Variants in TSHZ3 observed in about 807,000 individuals in gnomAD.
The protein encoded by TSHZ3 is teashirt zinc finger homeobox 3.
Under a neutral mutation model 64.5 loss-of-function variants are expected in TSHZ3, and 10 were observed. That is an observed-to-expected ratio of 0.16 (90% CI 0.10 to 0.26). TSHZ3 has a LOEUF of 0.26. TSHZ3 is among the 10% of genes least tolerant of loss of function. TSHZ3 has a pLI of 1.00. For synonymous variants in TSHZ3, 608 were observed against 593.1 expected (o/e 1.03, Z -0.36); for missense variants, 1,242 against 1,421.7 (o/e 0.87, Z 2.03).
chr19:31,293,530 C>T (rs1223422380), intron 1 of TSHZ3, among the ~76,000 whole-genome samples: 1 of 152,178 alleles, frequency 6.6e-6, no homozygotes. Flanking sequence ...CATTCCCCTC[C>T]CTGTCCTCCA....
chr19:31,277,671 T>C lies in TSHZ3; in HGVS notation c.2122A>G (p.Ile708Val), dbSNP rs1467400714. ...TGTTCAGGCGGGTGGTCGGTGATGA[T>C]GGCCGTGCTGCCACTCAAACTGCTG... Reference protein sequence around the residue: ...LASSLSGSTAIITDHPPEQPF... With the variant: ...LASSLSGSTAVITDHPPEQPF... The change falls in exon 2 of 2, where the codon ATC becomes GTC. Residue 708 changes from isoleucine (I) to valine (V), a missense_variant. Around this residue, in one of 4 missense-constraint regions of TSHZ3, gnomAD observed 550 missense variants for 545.1 expected, o/e 1.01. Transcript: ENST00000240587. This position sits in a 1 kb window ranked among gnomAD's most constrained non-coding sequence, Gnocchi z 4.5. 1.3e-6 allele frequency: 2 copies of C among 1,528,692 alleles called. No individual in the cohort carries two copies. Among genetic ancestry groups the C allele is most frequent in the Non-Finnish European group, 1.8e-6 (2 of 1,140,010 alleles). 94.7% of individuals were successfully genotyped at this position (1,528,692 alleles called of 1,614,324 possible).
At chr19:31,244,365 T>C (rs1015000963) in intron 1 of TSHZ3, among the ~76,000 whole-genome samples, 6 of 152,202 alleles carry the variant, frequency 3.9e-5, no homozygotes, top group Non-Finnish European at 8.8e-5. Context: ...CCTTCCACCA[T>C]GACTGAAAGT....
chr19:31,196,774 G>A (rs1975000094), intron 5 of TSHZ3, among the ~76,000 whole-genome samples: 2 of 151,994 alleles, frequency 1.3e-5, no homozygotes, highest in Non-Finnish European at 2.9e-5. Context: ...ACAATCCTTA[G>A]TAAAGTTGTG....
At chr19:31,218,232 G>A (rs1360387721) in intron 4 of TSHZ3, among the ~76,000 whole-genome samples, 2 of 151,934 alleles carry the variant, frequency 1.3e-5, no homozygotes, top group African/African-American at 4.8e-5. Flanking sequence ...CTTAAAAATG[G>A]GCCAAAGACC....
rs142602863 is a variant in TSHZ3 at position 31,227,030 on chromosome 19, G to A, written n.686+975C>T. 2.7e-3 allele frequency among the ~76,000 whole-genome samples: 308 copies of A among 114,390 alleles called. 2 individuals are homozygous for A. The highest frequency in any genetic ancestry group is 0.011 in the African/African-American group (297 of 28,034). 75.0% of individuals were successfully genotyped at this position (114,390 alleles called of 152,430 possible). A position where few individuals can be genotyped will look rare whatever the true frequency, so the allele number is the denominator to read the frequency against. ...ATTTCTCTTTGTCATCCAGGCTGGAGTGCAGTGGTGCCATCTCGGCTTACT... is the reference window on the plus strand; with the variant it reads ...ATTTCTCTTTGTCATCCAGGCTGGAATGCAGTGGTGCCATCTCGGCTTACT... On this transcript the variant is annotated intron_variant and non_coding_transcript_variant, in intron 4 of 6. Coordinates refer to the TSHZ3 transcript ENST00000651361.
At chr19:31,156,531 G>A (rs1400161452) in intron 5 of TSHZ3, among the ~76,000 whole-genome samples, 1 of 152,166 alleles carries the variant, frequency 6.6e-6, no homozygotes, top group Non-Finnish European at 1.5e-5. Flanking sequence ...TTAAAGTGAA[G>A]AAGCTTTGAC....
At position 31,276,390 on chromosome 19, in the gene TSHZ3, A is replaced by T; in HGVS notation, c.*157T>A. ...CAACAGCTGATTATGCACCTCTATT[A>T]AACACTGTACAGTTATACAAAACAG... is the stretch of plus-strand genomic sequence containing the variant. On this transcript the variant is annotated 3_prime_UTR_variant, in exon 2 of 2. Transcript: ENST00000240587. The T allele has an allele frequency of 1.5e-6, 1 of 655,220 alleles. No individual in the cohort carries two copies. The highest frequency in any genetic ancestry group is 2.5e-6 in the Non-Finnish European group (1 of 399,824). 40.6% of individuals were successfully genotyped at this position (655,220 alleles called of 1,614,324 possible).
chr19:31,178,611 G>T (rs1005061115), intron 5 of TSHZ3, among the ~76,000 whole-genome samples: 1 of 152,174 alleles, frequency 6.6e-6, no homozygotes, highest in Non-Finnish European at 1.5e-5. Context: ...ACCGGGAGGC[G>T]GAGGTTGTAG....
chr19:31,235,096 A>G (rs2145178711), intron 3 of TSHZ3, among the ~76,000 whole-genome samples: 1 of 152,316 alleles, frequency 6.6e-6, no homozygotes, highest in African/African-American at 2.4e-5. Context: ...TAAAGTATAC[A>G]ATGTGATGTT....
chr19:31,286,028 T>G (rs557507353), intron 1 of TSHZ3, among the ~76,000 whole-genome samples: 1 of 152,224 alleles, frequency 6.6e-6, no homozygotes, highest in African/African-American at 2.4e-5. Flanking sequence ...AGAGGCCGAC[T>G]GGGCACCCGC....
At chr19:31,227,066 C>A (rs2145172704) in intron 4 of TSHZ3, among the ~76,000 whole-genome samples, 1 of 144,030 alleles carries the variant, frequency 6.9e-6, no homozygotes, top group African/African-American at 2.6e-5. Context: ...GCAACCTCAG[C>A]CTTCCAGGTT....
chr19:31,258,182 C>T (rs1975937291), intron 1 of TSHZ3, among the ~76,000 whole-genome samples: 1 of 152,192 alleles, frequency 6.6e-6, no homozygotes, highest in Admixed American at 6.5e-5. Context: ...GCCAATCCCT[C>T]CCCAAAGTCC....
At chr19:31,208,574 A>G (rs1317254038) in intron 4 of TSHZ3, among the ~76,000 whole-genome samples, 1 of 152,238 alleles carries the variant, frequency 6.6e-6, no homozygotes, top group African/African-American at 2.4e-5. Flanking sequence ...CTTCTCCTGT[A>G]GAGTGAGTGT....
downstream of TSHZ3, among the ~76,000 whole-genome samples, chr19:31,271,280 G>A (rs908237323): frequency 1.3e-5 from 2 of 152,144 alleles, no homozygotes; most frequent in African/African-American, 4.8e-5. Flanking sequence ...TCCTCCTGGG[G>A]GTCGCCTCCT....
chr19:31,318,946 C>T (rs1320613324), intron 1 of TSHZ3, among the ~76,000 whole-genome samples: 1 of 152,220 alleles, frequency 6.6e-6, no homozygotes, highest in Non-Finnish European at 1.5e-5. Context: ...ATGGGCTCCT[C>T]CCATGGCCCA....
chr19:31,282,148 T>C (rs1976372478), intron 1 of TSHZ3, among the ~76,000 whole-genome samples: 1 of 152,138 alleles, frequency 6.6e-6, no homozygotes, highest in Non-Finnish European at 1.5e-5. Context: ...TATATGATGT[T>C]TCCATAGTAC....
chr19:31,208,394 C>T (rs555812442), intron 4 of TSHZ3, among the ~76,000 whole-genome samples: 11 of 152,128 alleles, frequency 7.2e-5, no homozygotes, highest in Non-Finnish European at 1.5e-4. Context: ...TCCAATTGGC[C>T]GAGCTTTTAT....
At chr19:31,335,157 T>C (rs1917208517) in intron 1 of TSHZ3, among the ~76,000 whole-genome samples, 1 of 152,246 alleles carries the variant, frequency 6.6e-6, no homozygotes, top group Admixed American at 6.5e-5. Flanking sequence ...GTTGACATTT[T>C]TTATATGTGA....
intron 6 of TSHZ3, among the ~76,000 whole-genome samples, chr19:31,154,694 G>A (rs1020258261): frequency 1.4e-4 from 21 of 152,194 alleles, no homozygotes; most frequent in African/African-American, 4.8e-4. Context: ...TCCTATCACC[G>A]CAAATGGCTT....
Sources: gnomAD v4.1 joint callset for allele counts (sites outside exome capture counted in the v4.1 genomes callset) on GRCh38, gnomAD v4.1.1 for gene constraint, gnomAD v4.1.1 regional missense constraint, Gnocchi (gnomAD v3.1) non-coding constraint, MANE v1.5 for transcripts, NCBI Gene and HGNC (gene_info 2026-07-23, HGNC 2026-07-21) for gene names.